Variants in TPD52 observed in about 807,000 individuals in gnomAD.
TPD52 encodes prostate and colon associated protein.
TPD52 carries 17 observed loss-of-function variants against 31.3 expected under a neutral mutation model. That is an observed-to-expected ratio of 0.54 (90% CI 0.37 to 0.82). TPD52 has a LOEUF of 0.82. Among genes scored for constraint, TPD52 ranks in the 40% least tolerant of loss-of-function variants. The pLI is 0.00. For synonymous variants in TPD52, 83 were observed against 89.6 expected (o/e 0.93, Z 0.42); for missense variants, 212 against 240.1 (o/e 0.88, Z 0.77).
intron 6 of TPD52, among the ~76,000 whole-genome samples, chr8:80,043,326 C>T (rs745501757): frequency 2.6e-5 from 4 of 152,102 alleles, no homozygotes; most frequent in Non-Finnish European, 2.9e-5. Context: ...AGGATCATAG[C>T]GCCTTTGTCT....
intron 1 of TPD52, among the ~76,000 whole-genome samples, chr8:80,069,900 A>C (rs1813581928): frequency 6.6e-6 from 1 of 152,188 alleles, no homozygotes; most frequent in African/African-American, 2.4e-5. Context: ...GTAAGAGCTT[A>C]GTCCTGAACA....
chr8:80,096,122 G>A (rs761435792), intron 1 of TPD52, among the ~76,000 whole-genome samples: 67 of 152,140 alleles, frequency 4.4e-4, no homozygotes, highest in Non-Finnish European at 8.4e-4. Context: ...TGGGCATGGT[G>A]GTGTGCACCT....
intron 1 of TPD52, among the ~76,000 whole-genome samples, chr8:80,078,490 A>G (rs1408839367): frequency 6.6e-6 from 1 of 152,172 alleles, no homozygotes. Flanking sequence ...CCATCGACCA[A>G]CCATGTTTGA....
intron 1 of TPD52, among the ~76,000 whole-genome samples, chr8:80,151,620 A>G (rs1198300221): frequency 6.6e-6 from 1 of 152,266 alleles, no homozygotes; most frequent in Non-Finnish European, 1.5e-5. Flanking sequence ...TACCAGAATC[A>G]GCATAATAAG....
At chr8:80,084,826 C>A (rs1300879427) in intron 1 of TPD52, among the ~76,000 whole-genome samples, 1 of 152,130 alleles carries the variant, frequency 6.6e-6, no homozygotes, top group African/African-American at 2.4e-5. Context: ...AAGTTCCTAC[C>A]CATTTAGCAA....
intron 1 of TPD52, among the ~76,000 whole-genome samples, chr8:80,164,024 C>G (rs722901): frequency 0.28 from 30,826 of 109,364 alleles, 4,224 homozygotes; most frequent in African/African-American, 0.44. Flanking sequence ...GAGAGAGAGA[C>G]AGAGAGAGAG....
intron 1 of TPD52, among the ~76,000 whole-genome samples, chr8:80,157,306 G>A (rs1811042332): frequency 6.6e-6 from 1 of 151,756 alleles, no homozygotes; most frequent in East Asian, 1.9e-4. Flanking sequence ...GGGAAAGGAT[G>A]GTAATGCTGG....
chr8:80,118,955 C>CA (rs927189344), intron 1 of TPD52, among the ~76,000 whole-genome samples: 3 of 151,930 alleles, frequency 2.0e-5, no homozygotes, highest in African/African-American at 7.3e-5. Flanking sequence ...TATGTCTGTA[C>CA]AAAAAAACAT....
chr8:80,097,678 A>C (rs1442980254), intron 1 of TPD52, among the ~76,000 whole-genome samples: 1 of 152,172 alleles, frequency 6.6e-6, no homozygotes, highest in Non-Finnish European at 1.5e-5. Flanking sequence ...CGGTCTGTGA[A>C]ACTGTGAGCC....
chr8:80,039,688 A>G (rs1810194045), intron 7 of TPD52, among the ~76,000 whole-genome samples: 1 of 151,654 alleles, frequency 6.6e-6, no homozygotes, highest in Non-Finnish European at 1.5e-5. Context: ...TGTGGCCTAC[A>G]CATCTCTCTA....
At chr8:80,033,686 A>G (rs564381301), downstream of TPD52, among the ~76,000 whole-genome samples, 8 of 152,290 alleles carry the variant, frequency 5.3e-5, no homozygotes, top group South Asian at 1.7e-3. Context: ...TCACATGGAC[A>G]ACCGTAGGGT....
intron 1 of TPD52, among the ~76,000 whole-genome samples, chr8:80,095,667 C>T (rs567734836): frequency 1.3e-5 from 2 of 150,374 alleles, no homozygotes; most frequent in African/African-American, 4.9e-5. Flanking sequence ...AAAGACTAGG[C>T]CGGGTGCGGT....
chr8:80,081,086 G>C (rs1815221945), intron 1 of TPD52, among the ~76,000 whole-genome samples: 1 of 149,890 alleles, frequency 6.7e-6, no homozygotes, highest in African/African-American at 2.5e-5. Flanking sequence ...GTATTTCCAT[G>C]ATTACTTTAT....
chr8:80,080,487 C>A, intron 1 of TPD52: 1 of 1,610,136 alleles, frequency 6.2e-7, no homozygotes, highest in Non-Finnish European at 8.5e-7. Flanking sequence ...GCTGTCTAAT[C>A]GCCTGATATC....
At chr8:80,055,613 T>C (rs1811792776) in intron 2 of TPD52, among the ~76,000 whole-genome samples, 1 of 152,146 alleles carries the variant, frequency 6.6e-6, no homozygotes. Flanking sequence ...ACCTGTAGAA[T>C]GGGAGAGAAC....
intron 1 of TPD52, among the ~76,000 whole-genome samples, chr8:80,096,794 C>T (rs183661737): frequency 6.6e-6 from 1 of 152,144 alleles, no homozygotes; most frequent in South Asian, 2.1e-4. Flanking sequence ...CTCTCCCTCT[C>T]CTCAGGCCTC....
At chr8:80,117,550 G>A (rs566409122) in intron 1 of TPD52, among the ~76,000 whole-genome samples, 8 of 152,100 alleles carry the variant, frequency 5.3e-5, no homozygotes, top group Non-Finnish European at 1.0e-4. Flanking sequence ...TTGTGGAGAT[G>A]ACAATACCTC....
intron 3 of TPD52, chr8:80,052,756 T>C (rs1437144077): frequency 3.0e-6 from 3 of 1,013,046 alleles, no homozygotes; most frequent in Non-Finnish European, 4.0e-6. Flanking sequence ...GCCTAAGGGA[T>C]TGACCTCTGC....
At chr8:80,034,142 T>G (rs1809766636), downstream of TPD52, among the ~76,000 whole-genome samples, 1 of 152,060 alleles carries the variant, frequency 6.6e-6, no homozygotes, top group African/African-American at 2.4e-5. Context: ...ACCTGACATG[T>G]CAGCACCACC....
Sources: allele counts gnomAD v4.1 joint callset (sites outside exome capture counted in the v4.1 genomes callset), GRCh38; gene constraint gnomAD v4.1.1; transcripts MANE v1.5; gene names NCBI Gene and HGNC (gene_info 2026-07-23, HGNC 2026-07-21).